Variants in TENM1 observed in about 807,000 individuals in gnomAD.
TENM1 encodes the protein teneurin-1.
A neutral mutation model predicts 174.8 loss-of-function variants in TENM1; 35 were observed. That is an observed-to-expected ratio of 0.20 (90% CI 0.15 to 0.27). The LOEUF (loss-of-function observed/expected upper bound fraction) is 0.27, where lower values mean the gene tolerates loss of function less well. TENM1 is among the 10% of genes least tolerant of loss of function. The pLI is 1.00. For synonymous variants in TENM1, 781 were observed against 798.7 expected (o/e 0.98, Z 0.37); for missense variants, 1,633 against 2,130.1 (o/e 0.77, Z 4.59).
At chrX:124,675,896 T>C (rs747618368) in intron 5 of TENM1, among the ~76,000 whole-genome samples, 50 of 109,091 alleles carry the variant, frequency 4.6e-4, no homozygotes, top group African/African-American at 1.6e-3. Flanking sequence ...AGTGAAGCCA[T>C]TGTGAATATC....
chrX:124,521,140 T>C (rs749728580), intron 17 of TENM1, among the ~76,000 whole-genome samples: 1 of 111,729 alleles, frequency 9.0e-6, no homozygotes, highest in South Asian at 3.8e-4. Flanking sequence ...TTCAGCACTA[T>C]GGGCTCCATT....
At chrX:125,201,703 T>C in the TENM1 span, among the ~76,000 whole-genome samples, 1 of 112,013 alleles carries the variant, frequency 8.9e-6, no homozygotes, top group Non-Finnish European at 1.9e-5. Context: ...ATTTTAGGAA[T>C]TACCTGATCC....
chrX:125,186,007 C>T, the TENM1 span, among the ~76,000 whole-genome samples: 1 of 111,280 alleles, frequency 9.0e-6, no homozygotes, highest in Non-Finnish European at 1.9e-5. Flanking sequence ...CATAGACTCT[C>T]TCAACTGAAC....
intron 13 of TENM1, 22 bp from the exon 17 acceptor site, chrX:124,561,839 A>G: frequency 1.7e-6 from 2 of 1,204,754 alleles, no homozygotes; most frequent in Non-Finnish European, 2.2e-6. Flanking sequence ...TCAGAGAGTA[A>G]CCATCACAGA....
the TENM1 span, among the ~76,000 whole-genome samples, chrX:125,068,335 T>A: frequency 1.0e-3 from 117 of 111,474 alleles, no homozygotes; most frequent in Non-Finnish European, 2.0e-3. Flanking sequence ...GTTTGTTTAA[T>A]CTGGAAAGAC....
chrX:125,200,652 T>TGAGAGAGAGAGAGAGAGAGAGAGAGA, the TENM1 span, among the ~76,000 whole-genome samples: 9 of 81,316 alleles, frequency 1.1e-4, no homozygotes, highest in African/African-American at 5.0e-4. Context: ...TGTGTGTGTG[T>TGAGAGAGAGAGAGAGAGAGAGAGAGA]GTGAGAGAGA....
At chrX:124,705,065 C>T (rs760370591) in exon 5 of TENM1, 55 of 1,209,262 alleles carry the variant, frequency 4.5e-5, no homozygotes, top group Non-Finnish European at 5.7e-5. Flanking sequence ...CAGTGGCGCT[C>T]AATGCTGTGC....
intron 11 of TENM1, among the ~76,000 whole-genome samples, chrX:124,632,158 G>T (rs955256227): frequency 1.8e-5 from 2 of 109,134 alleles, no homozygotes; most frequent in African/African-American, 6.7e-5. Context: ...TGATCTGCCC[G>T]CCTTGGCCTC....
chrX:124,865,092 C>G (rs968227086), intron 3 of TENM1, among the ~76,000 whole-genome samples: 2 of 111,536 alleles, frequency 1.8e-5, no homozygotes, highest in Admixed American at 9.5e-5. Context: ...CAATACCAGA[C>G]CTGTTCTACA....
At chrX:124,452,788 T>C (rs2061055042) in intron 23 of TENM1, among the ~76,000 whole-genome samples, 1 of 101,114 alleles carries the variant, frequency 9.9e-6, no homozygotes, top group African/African-American at 3.7e-5. Context: ...ACATCGCATG[T>C]TCTCACTCAT....
chrX:124,955,368 C>A (rs1240446352), intron 1 of TENM1, among the ~76,000 whole-genome samples: 1 of 111,240 alleles, frequency 9.0e-6, no homozygotes, highest in Non-Finnish European at 1.9e-5. Flanking sequence ...TCAAAGTGGA[C>A]AATCTCTAGT....
intron 6 of TENM1, among the ~76,000 whole-genome samples, chrX:124,665,092 C>T (rs1379944633): frequency 1.8e-5 from 2 of 111,878 alleles, no homozygotes; most frequent in African/African-American, 6.5e-5. Context: ...AATCCCAGCA[C>T]TTTGGGAGGC....
At chrX:125,146,087 T>C in the TENM1 span, among the ~76,000 whole-genome samples, 2 of 112,001 alleles carry the variant, frequency 1.8e-5, no homozygotes, top group East Asian at 5.6e-4. Flanking sequence ...AAGTAAATAA[T>C]GTTCCCCATG....
At chrX:124,529,672 G>A (rs940310592) in intron 16 of TENM1, among the ~76,000 whole-genome samples, 192 bp downstream of exon 19, 6 of 111,698 alleles carry the variant, frequency 5.4e-5, no homozygotes, top group Non-Finnish European at 7.5e-5. Flanking sequence ...AAGAAGACTC[G>A]AGAAGGATTA....
At chrX:124,508,468 A>C (rs1283639881) in intron 18 of TENM1, among the ~76,000 whole-genome samples, 2 of 112,344 alleles carry the variant, frequency 1.8e-5, no homozygotes, top group African/African-American at 6.5e-5. Context: ...CTTTACCTGG[A>C]CATGATGTAT....
the TENM1 span, among the ~76,000 whole-genome samples, chrX:125,031,374 G>C: frequency 9.0e-6 from 1 of 111,225 alleles, no homozygotes; most frequent in Non-Finnish European, 1.9e-5. Context: ...TTTCTTTTCT[G>C]GTTATCTTAA....
chrX:124,695,654 A>C (rs977827726), intron 5 of TENM1, among the ~76,000 whole-genome samples: 5 of 111,705 alleles, frequency 4.5e-5, no homozygotes, highest in African/African-American at 1.6e-4. Context: ...AAAGAACTAT[A>C]TTCTTTAATT....
intron 27 of TENM1, among the ~76,000 whole-genome samples, chrX:124,392,574 C>T (rs774999180): frequency 2.7e-5 from 3 of 111,757 alleles, no homozygotes; most frequent in Non-Finnish European, 3.8e-5. Flanking sequence ...ACTCTAGACT[C>T]TCAATAGGTG....
At chrX:124,574,888 T>G (rs2858430) in intron 11 of TENM1, among the ~76,000 whole-genome samples, 27,007 of 110,907 alleles carry the variant, frequency 0.24, 2,445 homozygotes, top group South Asian at 0.42. Context: ...AAAGTTTGTG[T>G]ACTGTGTGTT....
Sources: allele counts gnomAD v4.1 joint callset (sites outside exome capture counted in the v4.1 genomes callset), GRCh38; gene constraint gnomAD v4.1.1; transcripts MANE v1.5; gene names NCBI Gene and HGNC (gene_info 2026-07-23, HGNC 2026-07-21).